DDAH1: variants seen among roughly 807,000 people sequenced by gnomAD.
DDAH1 encodes N(G),N(G)-dimethylarginine dimethylaminohydrolase 1.
A neutral mutation model predicts 28.8 loss-of-function variants in DDAH1; 19 were observed. The ratio of observed to expected loss-of-function variants is 0.66; its 90% CI spans 0.46 to 0.97. The LOEUF (loss-of-function observed/expected upper bound fraction) is 0.97. Among genes scored for constraint, DDAH1 ranks in the 50% least tolerant of loss-of-function variants. The probability of loss-of-function intolerance (pLI) is 0.00; values close to 1 mark genes in which losing one functional copy is unlikely to be tolerated. For synonymous variants in DDAH1, 153 were observed against 154.4 expected, an observed-to-expected ratio of 0.99 and a Z score of 0.07; for missense variants, 326 against 375.9, an observed-to-expected ratio of 0.87 and a Z score of 1.10.
intron 2 of DDAH1, among the ~76,000 whole-genome samples, chr1:85,479,867 T>A (rs921265140): frequency 1.8e-4 from 27 of 152,144 alleles, no homozygotes; most frequent in African/African-American, 5.3e-4. Flanking sequence ...CTAGAAGAGG[T>A]CACAAAATTC....
intron 1 of DDAH1, among the ~76,000 whole-genome samples, chr1:85,413,743 A>G (rs1311424693): frequency 6.6e-6 from 1 of 152,226 alleles, no homozygotes; most frequent in African/African-American, 2.4e-5. Context: ...TCTTCATTTA[A>G]CCTTTCTAAG....
intron 1 of DDAH1, among the ~76,000 whole-genome samples, chr1:85,551,427 C>T (rs1658787432): frequency 6.6e-6 from 1 of 152,234 alleles, no homozygotes; most frequent in Non-Finnish European, 1.5e-5. Context: ...CTTCTGAGCA[C>T]ACTTAACCAC....
chr1:85,343,933 G>A (rs560749483), intron 4 of DDAH1, among the ~76,000 whole-genome samples: 80 of 152,330 alleles, frequency 5.3e-4, no homozygotes, highest in African/African-American at 1.8e-3. Context: ...TCATTCAAAA[G>A]AAAAACAGGC....
In DDAH1 at chr1:85,464,298, G is replaced by T. The variant is rs533888454; in HGVS notation, c.303+445C>A. Among the ~76,000 whole-genome samples, 1 of 152,268 alleles carries T rather than the reference G, an allele frequency of 6.6e-6. No homozygotes were observed. The highest frequency in any genetic ancestry group is 1.9e-4 in the East Asian group (1 of 5,154). ...TCATCCAGCTTGTCCTGCTCCGAGCGCCAGGCAGGACTTGGGGGCTTCGGT... is the reference window on the plus strand; with the variant it reads ...TCATCCAGCTTGTCCTGCTCCGAGCTCCAGGCAGGACTTGGGGGCTTCGGT... On this transcript the variant is annotated intron_variant, in intron 1 of 5. Coordinates refer to ENST00000284031, the MANE Select transcript of DDAH1 (RefSeq NM_012137.4). This position sits in a 1 kb window ranked among gnomAD's most constrained non-coding sequence, Gnocchi z 4.4.
chr1:85,364,088 T>C (rs1393874752), intron 1 of DDAH1, among the ~76,000 whole-genome samples: 1 of 152,162 alleles, frequency 6.6e-6, no homozygotes, highest in Non-Finnish European at 1.5e-5. Context: ...TAGATATTAG[T>C]ATACCCATTT....
At chr1:85,403,436 T>C (rs545071943) in intron 1 of DDAH1, among the ~76,000 whole-genome samples, 1 of 152,294 alleles carries the variant, frequency 6.6e-6, no homozygotes, top group African/African-American at 2.4e-5. Flanking sequence ...TAAACATCCC[T>C]AGGCTCTACT....
chr1:85,379,711 T>C (rs1336564447), intron 1 of DDAH1: 1 of 985,180 alleles, frequency 1.0e-6, no homozygotes, highest in Non-Finnish European at 1.2e-6. Context: ...GAACTGAACT[T>C]ATCTATTTCC....
chr1:85,359,681 C>CAGTT (rs771320198), intron 1 of DDAH1, among the ~76,000 whole-genome samples: 1 of 152,184 alleles, frequency 6.6e-6, no homozygotes, highest in Non-Finnish European at 1.5e-5. Context: ...TATATTCAAA[C>CAGTT]AGTTAATATG....
chr1:85,408,543 C>A (rs1304296613), intron 1 of DDAH1, among the ~76,000 whole-genome samples: 1 of 152,116 alleles, frequency 6.6e-6, no homozygotes, highest in East Asian at 1.9e-4. Context: ...GAAATCTTTT[C>A]ATACCTGTAC....
intron 1 of DDAH1, among the ~76,000 whole-genome samples, chr1:85,562,419 G>A (rs779604265): frequency 2.0e-5 from 3 of 152,130 alleles, no homozygotes; most frequent in African/African-American, 7.2e-5. Context: ...TTCTGTTATG[G>A]GTTGAGTTGT....
At chr1:85,576,489 C>G (rs1659608497) in intron 1 of DDAH1, among the ~76,000 whole-genome samples, 1 of 152,178 alleles carries the variant, frequency 6.6e-6, no homozygotes, top group Admixed American at 6.5e-5. Context: ...TACCATGTGT[C>G]CCTTCTGGGG....
At chr1:85,406,508 TTA>T (rs1300449948) in intron 1 of DDAH1, among the ~76,000 whole-genome samples, 6 of 152,282 alleles carry the variant, frequency 3.9e-5, no homozygotes, top group South Asian at 2.1e-4. Flanking sequence ...GAAACAACTA[TTA>T]TGTTTTAAAA....
intron 1 of DDAH1, among the ~76,000 whole-genome samples, chr1:85,370,234 G>A (rs2100883943): frequency 6.6e-6 from 1 of 152,296 alleles, no homozygotes; most frequent in East Asian, 1.9e-4. Flanking sequence ...AGACACAGAT[G>A]GCCATCTGCA....
rs71075842 is a variant in DDAH1, at chr1:85,519,088, C to CTTTTTTT, written c.-122-22814_-122-22808dup. On this transcript the variant is annotated intron_variant, in intron 1 of 6. Transcript: ENST00000426972. The stretch of plus-strand genomic sequence containing the variant: ...CAAGAAGAAACGAGGAAAGACGGAT[C>CTTTTTTT]TTTTTTTTTTTTTTTTTTTTTTTGA... Among the ~76,000 whole-genome samples, 55 of 69,126 alleles carry CTTTTTTT rather than the reference C, an allele frequency of 8.0e-4. 4 individuals carry two copies. Among genetic ancestry groups the CTTTTTTT allele is most frequent in the African/African-American group, 2.6e-3 (49 of 18,980 alleles). The allele number at this position is 69,126 out of a possible 152,430, so 45.3% of individuals were successfully genotyped here.
chr1:85,525,510 C>G (rs1456646757), intron 1 of DDAH1, among the ~76,000 whole-genome samples: 1 of 151,908 alleles, frequency 6.6e-6, no homozygotes, highest in Non-Finnish European at 1.5e-5. Flanking sequence ...ATTTTTACCA[C>G]ATCACTTAAC....
chr1:85,517,979 G>A (rs2100758650), intron 1 of DDAH1, among the ~76,000 whole-genome samples: 1 of 152,270 alleles, frequency 6.6e-6, no homozygotes, highest in South Asian at 2.1e-4. Context: ...AAATTAATGA[G>A]ATGTTATTCA....
At chr1:85,457,939 T>C (rs1654966979) in intron 1 of DDAH1, among the ~76,000 whole-genome samples, 1 of 152,202 alleles carries the variant, frequency 6.6e-6, no homozygotes, top group Non-Finnish European at 1.5e-5. Context: ...TCCGCCCACC[T>C]TGGCCTCCCA....
Position 85,516,921 on chromosome 1 carries a change from C to T in DDAH1, c.-122-20640G>A, listed in dbSNP as rs532770669. 2.1e-3 allele frequency among the ~76,000 whole-genome samples: 322 copies of T among 152,290 alleles called. 5 individuals carry two copies. Among genetic ancestry groups the T allele is most frequent in the African/African-American group, 5.7e-3 (238 of 41,568 alleles). On this transcript the variant is annotated intron_variant, in intron 1 of 6. Coordinates refer to the DDAH1 transcript ENST00000426972. Reference sequence around the variant, plus strand: ...CATTGCTTACAAATAACTTGAAATGCCAAGGAACGTTATAGTACAGTGGTT... The same window carrying T: ...CATTGCTTACAAATAACTTGAAATGTCAAGGAACGTTATAGTACAGTGGTT...
At chr1:85,522,587 C>T (rs1657728726) in intron 1 of DDAH1, among the ~76,000 whole-genome samples, 1 of 152,150 alleles carries the variant, frequency 6.6e-6, no homozygotes, top group Non-Finnish European at 1.5e-5. Flanking sequence ...ATAATTTATA[C>T]AAGTCCACAG....
Sources: gnomAD v4.1 joint callset for allele counts (sites outside exome capture counted in the v4.1 genomes callset) on GRCh38, gnomAD v4.1.1 for gene constraint, Gnocchi (gnomAD v3.1) non-coding constraint, MANE v1.5 for transcripts, NCBI Gene and HGNC (gene_info 2026-07-23, HGNC 2026-07-21) for gene names.